LRMDA: variants seen among roughly 807,000 people sequenced by gnomAD.
The protein encoded by LRMDA is leucine rich melanocyte differentiation associated.
A neutral mutation model predicts 29.8 loss-of-function variants in LRMDA; 18 were observed. That is an observed-to-expected ratio of 0.60 (90% CI 0.42 to 0.90). The LOEUF is 0.90. Among genes scored for constraint, LRMDA ranks in the 40% least tolerant of loss-of-function variants. LRMDA has a pLI of 0.00. For synonymous variants in LRMDA, 125 were observed against 109.4 expected, an observed-to-expected ratio of 1.14 and a Z score of -0.89; for missense variants, 273 against 273.9, an observed-to-expected ratio of 1.00 and a Z score of 0.02.
intron 3 of LRMDA, among the ~76,000 whole-genome samples, chr10:76,045,998 A>G (rs1419734450): frequency 1.3e-5 from 2 of 152,234 alleles, no homozygotes; most frequent in Non-Finnish European, 2.9e-5. Context: ...TCCTAGGTTC[A>G]AGTGGACCCC....
intron 2 of LRMDA, among the ~76,000 whole-genome samples, chr10:75,459,573 T>A (rs1174288507): frequency 1.3e-5 from 2 of 152,230 alleles, no homozygotes; most frequent in Admixed American, 1.3e-4. Context: ...GTCAAACAAA[T>A]TATAGAAAGC....
At chr10:76,297,588 T>C (rs1043964829) in intron 5 of LRMDA, among the ~76,000 whole-genome samples, 3 of 152,176 alleles carry the variant, frequency 2.0e-5, no homozygotes, top group Non-Finnish European at 4.4e-5. Context: ...TAGGAGGTCG[T>C]TCTGTTCGAC....
At chr10:75,950,109 C>A (rs1846548423) in intron 2 of LRMDA, among the ~76,000 whole-genome samples, 1 of 152,184 alleles carries the variant, frequency 6.6e-6, no homozygotes, top group Non-Finnish European at 1.5e-5. Flanking sequence ...CCCTGTTCAG[C>A]CCTGAATGTG....
chr10:76,037,653 C>T (rs1848273957), intron 3 of LRMDA, among the ~76,000 whole-genome samples: 1 of 152,168 alleles, frequency 6.6e-6, no homozygotes, highest in Non-Finnish European at 1.5e-5. Context: ...GGTGAAGATA[C>T]TTTCTCACTG....
intron 2 of LRMDA, among the ~76,000 whole-genome samples, chr10:75,911,010 CATT>C (rs1484686568): frequency 6.7e-6 from 1 of 149,726 alleles, no homozygotes; most frequent in Non-Finnish European, 1.5e-5. Context: ...TATTAAACAG[CATT>C]TTTTTTTTGG....
intron 2 of LRMDA, among the ~76,000 whole-genome samples, chr10:75,597,091 T>TTTTG (rs906843154): frequency 2.1e-4 from 32 of 152,094 alleles, no homozygotes; most frequent in East Asian, 1.9e-4. Flanking sequence ...GCTAGAGAGT[T>TTTTG]TTTGTTTGTT....
intron 2 of LRMDA, among the ~76,000 whole-genome samples, chr10:75,597,022 C>T (rs1468400792): frequency 6.6e-6 from 1 of 150,648 alleles, no homozygotes; most frequent in East Asian, 1.9e-4. Context: ...TCTTTTTCTC[C>T]CTCTCCCCCT....
rs536319684 is a variant in LRMDA at position 75,757,187 on chromosome 10, G to A, written c.132-278821G>A. 3.4e-4 allele frequency among the ~76,000 whole-genome samples: 52 copies of A among 152,264 alleles called. No individual in the cohort carries two copies. The South Asian group carries it at 9.5e-3, about 28-fold the overall frequency. ...AGCACAATAGAAGTTTATTTCTCAC[G>A]TAAAATCCCTCTCCTTTATCCTTCT... is the stretch of plus-strand genomic sequence containing the variant. On this transcript the variant is annotated intron_variant, in intron 2 of 6. Transcript: ENST00000611255.
intron 6 of LRMDA, among the ~76,000 whole-genome samples, chr10:76,458,978 C>T (rs1029439249): frequency 2.0e-5 from 3 of 152,080 alleles, no homozygotes; most frequent in African/African-American, 7.2e-5. Flanking sequence ...ACTAAGAAAT[C>T]AGTAAAATGT....
chr10:75,919,425 C>T (rs1318261911), intron 2 of LRMDA, among the ~76,000 whole-genome samples: 1 of 152,136 alleles, frequency 6.6e-6, no homozygotes, highest in Non-Finnish European at 1.5e-5. Context: ...CAGCTCAGTG[C>T]CATGCAGGTG....
chr10:76,282,663 A>C (rs1183781046), intron 5 of LRMDA, among the ~76,000 whole-genome samples: 2 of 152,208 alleles, frequency 1.3e-5, no homozygotes, highest in Non-Finnish European at 2.9e-5. Context: ...TCAGCAGAGG[A>C]CTGCAATTAC....
chr10:75,840,414 TCTATTAAA>T (rs1844518589), intron 2 of LRMDA, among the ~76,000 whole-genome samples: 1 of 152,234 alleles, frequency 6.6e-6, no homozygotes, highest in South Asian at 2.1e-4. Context: ...TGAATTGTGA[TCTATTAAA>T]CAATGAGTTC....
intron 2 of LRMDA, among the ~76,000 whole-genome samples, chr10:75,766,737 A>G (rs1395003531): frequency 1.3e-5 from 2 of 152,234 alleles, no homozygotes; most frequent in East Asian, 3.9e-4. Flanking sequence ...TCAACCCATC[A>G]TCTAGGTTTT....
At chr10:76,360,075 A>G (rs1375967590) in intron 6 of LRMDA, among the ~76,000 whole-genome samples, 5 of 151,328 alleles carry the variant, frequency 3.3e-5, no homozygotes, top group Non-Finnish European at 7.4e-5. Flanking sequence ...GCTCATCGCA[A>G]CCTCCCGGGT....
At chr10:76,034,821 G>C (rs968605139) in intron 2 of LRMDA, among the ~76,000 whole-genome samples, 2 of 152,048 alleles carry the variant, frequency 1.3e-5, no homozygotes, top group Non-Finnish European at 2.9e-5. Flanking sequence ...CATCCCCTAC[G>C]TGTCTCCCTC....
At chr10:76,388,091 G>C (rs1158398318) in intron 6 of LRMDA, among the ~76,000 whole-genome samples, 1 of 152,162 alleles carries the variant, frequency 6.6e-6, no homozygotes, top group Non-Finnish European at 1.5e-5. Context: ...CCTGTAACAA[G>C]GAGCTTAGAA....
At chr10:75,904,822 A>G (rs1457096698) in intron 2 of LRMDA, among the ~76,000 whole-genome samples, 2 of 152,206 alleles carry the variant, frequency 1.3e-5, no homozygotes, top group Non-Finnish European at 2.9e-5. Flanking sequence ...GTGGCAGTTA[A>G]TTCTCGTGAC....
Position 76,211,249 on chromosome 10 carries a change from G to A in LRMDA, c.517-113152G>A, listed in dbSNP as rs141722912. On this transcript the variant is annotated intron_variant, in intron 5 of 6. Coordinates refer to ENST00000611255, the MANE Select transcript of LRMDA (RefSeq NM_001305581.2). ...TTGCCTCCTCTGGAAAGACTTCCTG[G>A]ACTGCACTTGTCATTGGTGCTCTCT... Among the ~76,000 whole-genome samples the A allele has an allele frequency of 1.7e-3, 252 of 152,254 alleles. 1 individual carries two copies. The highest frequency in any genetic ancestry group is 5.7e-3 in the African/African-American group (237 of 41,536).
intron 2 of LRMDA, among the ~76,000 whole-genome samples, chr10:75,561,782 T>A (rs569155655): frequency 6.6e-6 from 1 of 152,224 alleles, no homozygotes; most frequent in South Asian, 2.1e-4. Flanking sequence ...CTTCATTTTG[T>A]TATGTACCCA....
Sources: gnomAD v4.1 joint callset for allele counts (sites outside exome capture counted in the v4.1 genomes callset) on GRCh38, gnomAD v4.1.1 for gene constraint, MANE v1.5 for transcripts, NCBI Gene and HGNC (gene_info 2026-07-23, HGNC 2026-07-21) for gene names.